Variants in MAP2K5 observed in about 807,000 individuals in gnomAD.
MAP2K5 encodes the protein dual specificity mitogen-activated protein kinase kinase 5.
In MAP2K5, 49 loss-of-function variants were observed where a neutral mutation model predicts 83.1. The observed-to-expected ratio is 0.59, with a 90% CI of 0.47 to 0.75. The LOEUF (loss-of-function observed/expected upper bound fraction) is 0.75, where lower values mean the gene tolerates loss of function less well. MAP2K5 is among the 30% of genes least tolerant of loss of function. MAP2K5 has a pLI of 0.00. For missense variants in MAP2K5, 457 were observed against 557.5 expected, an observed-to-expected ratio of 0.82 and a Z score of 1.82; for synonymous variants, 202 against 191.8, an observed-to-expected ratio of 1.05 and a Z score of -0.44.
At chr15:67,666,210 C>A (rs2087374694) in intron 13 of MAP2K5, among the ~76,000 whole-genome samples, 1 of 152,118 alleles carries the variant, frequency 6.6e-6, no homozygotes, top group Non-Finnish European at 1.5e-5. Flanking sequence ...GTAATGAAAT[C>A]CCTCTCTAGC....
intron 3 of MAP2K5, 46 bp from the exon 4 acceptor site, chr15:67,580,708 G>C (rs1241945674): frequency 8.5e-7 from 1 of 1,172,632 alleles, no homozygotes; most frequent in Non-Finnish European, 1.3e-6. Context: ...GTCTGTTCCA[G>C]TATTCATACA....
Position 67,794,614 on chromosome 15 carries a change from G to T in MAP2K5, c.1243-12032G>T, listed in dbSNP as rs558195759. Among the ~76,000 whole-genome samples the T allele has an allele frequency of 6.9e-6, 1 of 145,940 alleles. No homozygotes were observed. The highest frequency in any genetic ancestry group is 2.6e-5 in the African/African-American group (1 of 38,732). On this transcript the variant is annotated intron_variant, in intron 21 of 21. Transcript: ENST00000178640. This position sits in a 1 kb window ranked among gnomAD's most constrained non-coding sequence, Gnocchi z 4.6. The stretch of plus-strand genomic sequence containing the variant: ...TCAGCAGCCCATTCCACTGAGGGTC[G>T]GGTAACTCTGGAACATCACAGCTGA...
intron 19 of MAP2K5, among the ~76,000 whole-genome samples, chr15:67,756,347 A>G (rs2089833569): frequency 6.6e-6 from 1 of 152,218 alleles, no homozygotes; most frequent in Non-Finnish European, 1.5e-5. Flanking sequence ...TTTTGAATAC[A>G]GTTGTGCCTT....
intron 9 of MAP2K5, chr15:67,641,768 A>G (rs1329110833): frequency 7.3e-6 from 2 of 274,882 alleles, no homozygotes; most frequent in Non-Finnish European, 1.1e-5. Context: ...ATGAAGAATC[A>G]GGGAGTCCGT....
rs2086682591 is a variant in MAP2K5, at chr15:67,640,125, A to G, written c.586-6106A>G. Reference sequence around the variant, plus strand: ...CAGATCTTATTTATCTTCTTGCCTTACTCCGTGATTCCTGCAGATCCTTGC... The same window carrying G: ...CAGATCTTATTTATCTTCTTGCCTTGCTCCGTGATTCCTGCAGATCCTTGC... On this transcript the variant is annotated intron_variant, in intron 9 of 21. Transcript: ENST00000178640. This position sits in a 1 kb window ranked among gnomAD's most constrained non-coding sequence, Gnocchi z 4.6. 6.6e-6 allele frequency among the ~76,000 whole-genome samples: 1 copy of G among 152,178 alleles called. No homozygotes were observed. The highest frequency in any genetic ancestry group is 1.5e-5 in the Non-Finnish European group (1 of 68,038).
At chr15:67,703,526 A>C (rs1461573427) in intron 16 of MAP2K5, 118 bp downstream of exon 16, 2 of 769,354 alleles carry the variant, frequency 2.6e-6, no homozygotes, top group Non-Finnish European at 4.2e-6. Context: ...ATATAGATGT[A>C]TACAGAGTTT....
rs1567307183 is a variant in MAP2K5, at chr15:67,609,530, TTCTGTAGAC to T, written c.545+8782_545+8790del. 6.6e-5 allele frequency among the ~76,000 whole-genome samples: 2 copies of T among 30,130 alleles called. 1 individual carries two copies. The highest frequency in any genetic ancestry group is 1.1e-3 in the East Asian group (2 of 1,744). The allele number at this position is 30,130 out of a possible 152,430, so 19.8% of individuals were successfully genotyped here. A position where few individuals can be genotyped will look rare whatever the true frequency, so the allele number is the denominator to read the frequency against. ...TAGACCTATTCTATAGGTCTGTAGA[TTCTGTAGAC>T]CTATTCTATAGGTCTGTAGATTCTG... On this transcript the variant is annotated intron_variant, in intron 8 of 21. Transcript: ENST00000178640.
At chr15:67,805,195 C>T (rs2090777919) in intron 21 of MAP2K5, among the ~76,000 whole-genome samples, 1 of 151,410 alleles carries the variant, frequency 6.6e-6, no homozygotes, top group Non-Finnish European at 1.5e-5. Flanking sequence ...TCTGACAGTG[C>T]TCTGTGTGCC....
rs190157053 is a variant in MAP2K5 at position 67,708,863 on chromosome 15, A to T, written c.1044+5455A>T. ...TTAAGCAAAGAAACTTTAATATCAG[A>T]CTATCTTTTATCCAGGGACAGAATC... On this transcript the variant is annotated intron_variant, in intron 16 of 21. Transcript: ENST00000178640. The surrounding 1 kb of genome is among the most constrained non-coding windows in gnomAD (Gnocchi z 4.9). 6.6e-6 allele frequency among the ~76,000 whole-genome samples: 1 copy of T among 151,996 alleles called. No individual in the cohort carries two copies. Among genetic ancestry groups the T allele is most frequent in the African/African-American group, 2.4e-5 (1 of 41,362 alleles).
Position 67,786,128 on chromosome 15 carries a change from T to G in MAP2K5, c.1242+13376T>G, listed in dbSNP as rs1596972113. Among the ~76,000 whole-genome samples, 1 of 152,296 alleles carries G rather than the reference T, an allele frequency of 6.6e-6. No individual in the cohort carries two copies. Among genetic ancestry groups the G allele is most frequent in the Non-Finnish European group, 1.5e-5 (1 of 68,028 alleles). On this transcript the variant is annotated intron_variant, in intron 21 of 21. Transcript: ENST00000178640. The surrounding 1 kb of genome is among the most constrained non-coding windows in gnomAD (Gnocchi z 4.7). ...TCATTCAGCCTCTTTGGGTCATGAT[T>G]TTCTCATCTGTCTGATGTTCCTGGG...
chr15:67,672,764 A>G (rs58648944), intron 13 of MAP2K5, among the ~76,000 whole-genome samples: 74,414 of 136,404 alleles, frequency 0.55, 20,553 homozygotes, highest in Non-Finnish European at 0.6. Flanking sequence ...GGTAATGCCT[A>G]GGTTTTCTTC....
At chr15:67,626,785 AGCG>A (rs2086334772) in intron 8 of MAP2K5, among the ~76,000 whole-genome samples, 1 of 151,982 alleles carries the variant, frequency 6.6e-6, no homozygotes, top group Non-Finnish European at 1.5e-5. Context: ...CTGTAGTACC[AGCG>A]GTTTGGGAGG....
At chr15:67,711,033 C>T (rs962556691) in intron 16 of MAP2K5, among the ~76,000 whole-genome samples, 1 of 152,206 alleles carries the variant, frequency 6.6e-6, no homozygotes, top group Non-Finnish European at 1.5e-5. Context: ...CTGACCTTCA[C>T]CTGCATCTTC....
In MAP2K5 at chr15:67,801,381, A is replaced by G. The variant is rs915940100; in HGVS notation, c.1243-5265A>G. ...CCAGGCTTACTGCTTCAACAGGTTC[A>G]TGAGTCCTTGGCCTCCTATCCCATG... is the stretch of plus-strand genomic sequence containing the variant. On this transcript the variant is annotated intron_variant, in intron 21 of 21. Coordinates refer to ENST00000178640, the MANE Select transcript of MAP2K5 (RefSeq NM_145160.3). This position sits in a 1 kb window ranked among gnomAD's most constrained non-coding sequence, Gnocchi z 4.8. Among the ~76,000 whole-genome samples the G allele has an allele frequency of 6.6e-6, 1 of 152,170 alleles. No homozygotes were observed. Among genetic ancestry groups the G allele is most frequent in the Non-Finnish European group, 1.5e-5 (1 of 68,036 alleles).
chr15:67,602,990 G>A (rs1339938797), intron 8 of MAP2K5, among the ~76,000 whole-genome samples: 1 of 152,040 alleles, frequency 6.6e-6, no homozygotes, highest in East Asian at 1.9e-4. Flanking sequence ...CAGAGAAGTG[G>A]AAAAAACATG....
At chr15:67,621,717 C>G (rs1411947934) in intron 8 of MAP2K5, among the ~76,000 whole-genome samples, 1 of 151,970 alleles carries the variant, frequency 6.6e-6, no homozygotes, top group African/African-American at 2.4e-5. Context: ...CCAAAATAGA[C>G]CTAGAGCAAT....
rs1212729677 is a variant in MAP2K5 at position 67,697,006 on chromosome 15, A to G, written c.972+3438A>G. On this transcript the variant is annotated intron_variant, in intron 15 of 21. Coordinates refer to ENST00000178640, the MANE Select transcript of MAP2K5 (RefSeq NM_145160.3). Reference sequence around the variant, plus strand: ...AAAAGAAAAAAGAAAAGAAAATGAGACTTACAGTGTACAAACTTGATGATT... The same window carrying G: ...AAAAGAAAAAAGAAAAGAAAATGAGGCTTACAGTGTACAAACTTGATGATT... Among the ~76,000 whole-genome samples the G allele has an allele frequency of 2.0e-5, 3 of 152,282 alleles. No homozygotes were observed. The East Asian group carries it at 5.8e-4, about 29-fold the overall frequency.
intron 17 of MAP2K5, among the ~76,000 whole-genome samples, chr15:67,741,798 A>G (rs2089498862): frequency 6.6e-6 from 1 of 152,196 alleles, no homozygotes; most frequent in South Asian, 2.1e-4. Flanking sequence ...GCTATCTTCA[A>G]ATATATGAAG....
intron 11 of MAP2K5, among the ~76,000 whole-genome samples, chr15:67,653,046 G>C (rs1432621768): frequency 6.6e-6 from 1 of 152,024 alleles, no homozygotes; most frequent in Non-Finnish European, 1.5e-5. Context: ...GGTTTAGTCA[G>C]ATTTTTTATT....
Sources: gnomAD v4.1 joint callset for allele counts (sites outside exome capture counted in the v4.1 genomes callset) on GRCh38, gnomAD v4.1.1 for gene constraint, Gnocchi (gnomAD v3.1) non-coding constraint, MANE v1.5 for transcripts, NCBI Gene and HGNC (gene_info 2026-07-23, HGNC 2026-07-21) for gene names.